The following COL9A1 variants were observed in gnomAD, a reference collection of about 807,000 sequenced individuals.
COL9A1 encodes the protein collagen type IX alpha 1 chain, also known as collagen alpha-1(IX) chain.
Under a neutral mutation model 142.6 loss-of-function variants are expected in COL9A1, and 104 were observed. That is an observed-to-expected ratio of 0.73 (90% CI 0.62 to 0.86). The LOEUF (loss-of-function observed/expected upper bound fraction) is 0.86. Among genes scored for constraint, COL9A1 ranks in the 40% least tolerant of loss-of-function variants. The pLI is 0.00. For missense variants in COL9A1, 1,210 were observed against 1,176.6 expected (o/e 1.03, Z -0.42); for synonymous variants, 466 against 396.0 (o/e 1.18, Z -2.10).
intron 19 of COL9A1, among the ~76,000 whole-genome samples, chr6:70,261,404 T>C (rs1022932570): frequency 6.6e-6 from 1 of 152,082 alleles, no homozygotes; most frequent in Non-Finnish European, 1.5e-5. Context: ...GATCCAGAAA[T>C]GGATCCTGGA....
At chr6:70,242,776 A>G (rs1562297815) in intron 28 of COL9A1, 61 bp from the exon 29 acceptor site, 1 of 1,504,820 alleles carries the variant, frequency 6.6e-7, no homozygotes, top group Non-Finnish European at 9.3e-7. Context: ...CTTAGTTACT[A>G]TGTAAATAAA....
Position 70,269,615 on chromosome 6 carries a change from CA to C in COL9A1, c.1230+17del. The C allele has an allele frequency of 6.4e-7, 1 of 1,561,722 alleles. No homozygotes were observed. Among genetic ancestry groups the C allele is most frequent in the African/African-American group, 1.3e-5 (1 of 74,076 alleles). On this transcript the variant is annotated intron_variant, in intron 16 of 37. Coordinates refer to ENST00000357250, the MANE Select transcript of COL9A1 (RefSeq NM_001851.6). ...CTTTGAATTAAAACTATATTTTGTT[CA>C]AAGGAAAGCATCTTACCAATGGATC...
At position 70,281,302 on chromosome 6, in the gene COL9A1, A is replaced by G. The variant is rs1194203838; in HGVS notation, c.876+88T>C. On this transcript the variant is annotated intron_variant, in intron 8 of 37. Transcript: ENST00000357250. Reference sequence around the variant, plus strand: ...AAGGGGAGACCCTGGTCCTCTCTGAAAAAAAAAAAAACCCCACAGGAGCCC... The same window carrying G: ...AAGGGGAGACCCTGGTCCTCTCTGAGAAAAAAAAAAACCCCACAGGAGCCC... 1.7e-5 allele frequency: 14 copies of G among 845,686 alleles called. No individual in the cohort carries two copies. In the Admixed American group the frequency reaches 2.1e-4, roughly 13 times the overall value. The allele number at this position is 845,686 out of a possible 1,614,324, so 52.4% of individuals were successfully genotyped here. A position where few individuals can be genotyped will look rare whatever the true frequency, so the allele number is the denominator to read the frequency against.
chr6:70,245,420 T>G (rs908477339), intron 28 of COL9A1, among the ~76,000 whole-genome samples: 1 of 152,140 alleles, frequency 6.6e-6, no homozygotes, highest in Non-Finnish European at 1.5e-5. Context: ...AATTGCAACC[T>G]CAGGCGTAAA....
Position 70,267,237 on chromosome 6 carries a change from G to A in COL9A1, c.1288-467C>T, listed in dbSNP as rs551691978. Among the ~76,000 whole-genome samples, 5 of 152,216 alleles carry A rather than the reference G, an allele frequency of 3.3e-5. No individual in the cohort carries two copies. In the East Asian group the frequency reaches 7.7e-4, roughly 23 times the overall value. The stretch of plus-strand genomic sequence containing the variant: ...TTCCCACCTCCTTCCTGATGGTGGA[G>A]GAAGGCCTGGTGTAAGTGGACTTTC... On this transcript the variant is annotated intron_variant, in intron 17 of 37. Coordinates refer to ENST00000357250, the MANE Select transcript of COL9A1 (RefSeq NM_001851.6).
In COL9A1 at chr6:70,263,342, T is replaced by C. The variant is rs1419586463; in HGVS notation, c.1342-45A>G. ...AAGAAAAGCACACCAAATGTTATTC[T>C]AGCAAACGAACATAGAAATAGGCTT... On this transcript the variant is annotated intron_variant, in intron 18 of 37. Coordinates refer to ENST00000357250, the MANE Select transcript of COL9A1 (RefSeq NM_001851.6). 1.3e-5 allele frequency: 20 copies of C among 1,550,128 alleles called. No homozygotes were observed. In the African/African-American group the frequency reaches 1.4e-4, roughly 11 times the overall value.
chr6:70,242,803 G>A, intron 28 of COL9A1, 88 bp from the exon 29 acceptor site: 1 of 1,333,252 alleles, frequency 7.5e-7, no homozygotes. Flanking sequence ...TCCTACCTAG[G>A]TTTTTTTCCT....
In COL9A1 at chr6:70,297,408, G is replaced by A. The variant is rs73475890; in HGVS notation, c.299+2635C>T. Among the ~76,000 whole-genome samples the A allele has an allele frequency of 4.2e-3, 635 of 152,126 alleles. 4 individuals are homozygous for A. The highest frequency in any genetic ancestry group is 0.014 in the African/African-American group (599 of 41,528). On this transcript the variant is annotated intron_variant, in intron 4 of 37. Transcript: ENST00000357250. ...TGATCCTTTAAACTAGGCTAGTATA[G>A]TAGTCAATATGGTAAGAAGAGAAAA...
At position 70,253,441 on chromosome 6, in the gene COL9A1, C is replaced by T; in HGVS notation, c.1720-12G>A. On this transcript the variant is annotated splice_polypyrimidine_tract_variant and intron_variant, in intron 25 of 37. Coordinates refer to ENST00000357250, the MANE Select transcript of COL9A1 (RefSeq NM_001851.6). ...ATTCCAGGTACACCCTAAAAGAATACATACACAATCCTAGTTTAATCACCT... is the reference window on the plus strand; with the variant it reads ...ATTCCAGGTACACCCTAAAAGAATATATACACAATCCTAGTTTAATCACCT... 1 of 1,598,128 alleles carries T rather than the reference C, an allele frequency of 6.3e-7. No homozygotes were observed. The highest frequency in any genetic ancestry group is 2.2e-5 in the East Asian group (1 of 44,758).
chr6:70,275,932 T>C (rs1170240458), intron 10 of COL9A1, among the ~76,000 whole-genome samples: 1 of 152,102 alleles, frequency 6.6e-6, no homozygotes, highest in African/African-American at 2.4e-5. Context: ...TGAATAAACA[T>C]CCATAAAATT....
intron 21 of COL9A1, 50 bp downstream of exon 21, chr6:70,256,717 GC>G (rs776173965): frequency 7.7e-7 from 1 of 1,290,456 alleles, no homozygotes; most frequent in Non-Finnish European, 1.1e-6. Flanking sequence ...TGCATACATA[GC>G]AAAAAAAAAA....
intron 5 of COL9A1, among the ~76,000 whole-genome samples, 185 bp from the exon 6 acceptor site, chr6:70,284,005 C>T (rs919097319): frequency 3.3e-5 from 5 of 152,130 alleles, no homozygotes; most frequent in Admixed American, 6.6e-5. Flanking sequence ...GGGTTGGAAG[C>T]TTTCACAAGT....
chr6:70,248,035 T>C (rs928443596), intron 28 of COL9A1, among the ~76,000 whole-genome samples: 1 of 152,158 alleles, frequency 6.6e-6, no homozygotes, highest in Non-Finnish European at 1.5e-5. Context: ...AAAACTGAGG[T>C]ACATCAGCAT....
chr6:70,224,875 G>T (rs1769126688), intron 37 of COL9A1, among the ~76,000 whole-genome samples: 2 of 152,040 alleles, frequency 1.3e-5, no homozygotes, highest in African/African-American at 4.8e-5. Flanking sequence ...CAGTGTTTGA[G>T]TTATCTCCAA....
chr6:70,263,311 A>G lies in COL9A1; in HGVS notation c.1342-14T>C. On this transcript the variant is annotated splice_polypyrimidine_tract_variant and intron_variant, in intron 18 of 37. Transcript: ENST00000357250. ...ACCTTCTTCACCCTAAAGAAAAAAA[A>G]GAAAAAAGAAAAGCACACCAAATGT... 1 of 1,605,550 alleles carries G rather than the reference A, an allele frequency of 6.2e-7. No individual in the cohort carries two copies. The highest frequency in any genetic ancestry group is 8.5e-7 in the Non-Finnish European group (1 of 1,175,550).
Position 70,294,425 on chromosome 6 carries a change from A to G in COL9A1, c.438T>C (p.Ile146=). The stretch of plus-strand genomic sequence containing the variant: ...ATACAACAGATTGTGTTTGGCCATT[A>G]ATCTTTATGCCAACTTGCTCCTTCC... ...SSGKEQVGIK[I]NGQTQSVVFS... The change falls in exon 5 of 38, where the codon ATT becomes ATC. Residue 146 remains isoleucine, a synonymous_variant. Coordinates refer to ENST00000357250, the MANE Select transcript of COL9A1 (RefSeq NM_001851.6). 1 of 1,614,124 alleles carries G rather than the reference A, an allele frequency of 6.2e-7. No individual in the cohort carries two copies. The highest frequency in any genetic ancestry group is 8.5e-7 in the Non-Finnish European group (1 of 1,179,984).
intron 4 of COL9A1, among the ~76,000 whole-genome samples, chr6:70,297,171 C>T (rs1773876247): frequency 6.6e-6 from 1 of 152,006 alleles, no homozygotes; most frequent in South Asian, 2.1e-4. Context: ...CTTAATTTAT[C>T]TCTGACTTGG....
At chr6:70,299,997 T>A in intron 4 of COL9A1, 46 bp downstream of exon 4, 1 of 1,556,994 alleles carries the variant, frequency 6.4e-7, no homozygotes, top group Non-Finnish European at 8.9e-7. Context: ...CCATTTTTAA[T>A]GCATTTGAGT....
chr6:70,249,238 T>C (rs1770784632), intron 28 of COL9A1, among the ~76,000 whole-genome samples: 1 of 151,240 alleles, frequency 6.6e-6, no homozygotes, highest in South Asian at 2.1e-4. Flanking sequence ...ACCAATACAG[T>C]GGTGTGTGCA....
Sources: gnomAD v4.1 joint callset for allele counts (sites outside exome capture counted in the v4.1 genomes callset) on GRCh38, gnomAD v4.1.1 for gene constraint, MANE v1.5 for transcripts, NCBI Gene and HGNC (gene_info 2026-07-23, HGNC 2026-07-21) for gene names.